LUC7L2: variants seen among roughly 807,000 people sequenced by gnomAD.
LUC7L2 encodes the protein LUC7 like 2, pre-mRNA splicing factor.
In LUC7L2, 25 loss-of-function variants were observed where a neutral mutation model predicts 52.8. That is an observed-to-expected ratio of 0.47 (90% CI 0.34 to 0.66). The LOEUF is 0.66. Among genes scored for constraint, LUC7L2 ranks in the 30% least tolerant of loss-of-function variants. LUC7L2 has a pLI of 0.01. For missense variants in LUC7L2, 328 were observed against 497.8 expected (o/e 0.66, Z 3.25); for synonymous variants, 144 against 160.9 (o/e 0.89, Z 0.80).
At chr7:139,383,723 C>CTT (rs149098259) in intron 2 of LUC7L2, among the ~76,000 whole-genome samples, 16,981 of 142,406 alleles carry the variant, frequency 0.12, 2,947 homozygotes, top group African/African-American at 0.39. Flanking sequence ...GCCTTGATGT[C>CTT]TTTTTTTTTT....
chr7:139,393,279 C>T (rs183029187), intron 2 of LUC7L2, among the ~76,000 whole-genome samples: 1 of 150,986 alleles, frequency 6.6e-6, no homozygotes, highest in Non-Finnish European at 1.5e-5. Context: ...AAAAATTAGC[C>T]GGGTATGGTG....
intron 2 of LUC7L2, among the ~76,000 whole-genome samples, chr7:139,378,875 G>A (rs917403788): frequency 2.0e-5 from 3 of 152,162 alleles, no homozygotes; most frequent in Non-Finnish European, 2.9e-5. Flanking sequence ...AATTCTGAAA[G>A]GTTCACAACT....
chr7:139,422,065 A>ATATC, intron 9 of LUC7L2, 98 bp from the exon 10 acceptor site: 2 of 1,466,568 alleles, frequency 1.4e-6, no homozygotes, highest in African/African-American at 1.4e-5. Flanking sequence ...ATTCGTCTAT[A>ATATC]TATCTTCAGC....
chr7:139,398,654 A>G lies in LUC7L2; in HGVS notation c.212A>G (p.Tyr71Cys). The G allele has an allele frequency of 6.2e-7, 1 of 1,612,718 alleles. No homozygotes were observed. The highest frequency in any genetic ancestry group is 8.5e-7 in the Non-Finnish European group (1 of 1,179,560). Residue 71 changes from tyrosine (Y) to cysteine (C), a missense_variant, in exon 3 of 10, where the codon TAT (tyrosine) becomes TGT (cysteine). By Grantham distance (194) the Tyr-to-Cys change is radical. Transcript: ENST00000354926. Reference sequence around the variant, plus strand: ...CATGACCTGGCTTTAAGAGCGGATTATGAAATTGCATCCAAAGAACAAGAT... The same window carrying G: ...CATGACCTGGCTTTAAGAGCGGATTGTGAAATTGCATCCAAAGAACAAGAT... ...KVHDLALRAD[Y>C]EIASKEQDFF...
intron 2 of LUC7L2, among the ~76,000 whole-genome samples, chr7:139,386,081 C>T (rs1431129256): frequency 1.3e-5 from 2 of 152,108 alleles, no homozygotes; most frequent in Non-Finnish European, 2.9e-5. Context: ...TGGCTCACTG[C>T]AGCCTCCACC....
intron 1 of LUC7L2, chr7:139,371,356 A>G (rs1800439728): frequency 1.3e-6 from 1 of 791,538 alleles, no homozygotes; most frequent in Middle Eastern, 2.3e-4. Flanking sequence ...TTTTGAAATT[A>G]CAATACTAAA....
rs1795956758 is a variant in LUC7L2 at position 139,422,769 on chromosome 7, G to GA, written c.*432dup. On this transcript the variant is annotated 3_prime_UTR_variant, in exon 10 of 10. Transcript: ENST00000354926. Reference sequence around the variant, plus strand: ...ATACCTACACTCTCCAATTGTAAGAGAAAGGGGGCAGGGAAGCAATATAGC... The same window carrying GA: ...ATACCTACACTCTCCAATTGTAAGAGAAAAGGGGGCAGGGAAGCAATATAGC... 5.0e-6 allele frequency: 2 copies of GA among 399,880 alleles called. No individual in the cohort carries two copies. Among genetic ancestry groups the GA allele is most frequent in the Admixed American group, 4.4e-5 (1 of 22,878 alleles). The allele number at this position is 399,880 out of a possible 1,614,324, so 24.8% of individuals were successfully genotyped here.
At chr7:139,386,404 A>ATTTT (rs4028268) in intron 2 of LUC7L2, among the ~76,000 whole-genome samples, 43,047 of 131,078 alleles carry the variant, frequency 0.33, 10,079 homozygotes, top group African/African-American at 0.68. Flanking sequence ...GTCACTGGAA[A>ATTTT]TTTTTTTTTT....
At chr7:139,351,162 A>G (rs1427101925) in intron 1 of LUC7L2, among the ~76,000 whole-genome samples, 1 of 152,152 alleles carries the variant, frequency 6.6e-6, no homozygotes. Context: ...ACTCCAGTTC[A>G]GGCTCCTCTG....
At chr7:139,361,897 T>C (rs1485273002) in intron 1 of LUC7L2, among the ~76,000 whole-genome samples, 1 of 152,226 alleles carries the variant, frequency 6.6e-6, no homozygotes, top group East Asian at 1.9e-4. Flanking sequence ...GATACCATTT[T>C]TGGGATCTTC....
intron 2 of LUC7L2, among the ~76,000 whole-genome samples, chr7:139,386,054 G>GT: frequency 6.6e-6 from 1 of 152,158 alleles, no homozygotes; most frequent in South Asian, 2.1e-4. Flanking sequence ...CCAGGCTGGA[G>GT]TGCAATGGCA....
chr7:139,398,766 T>G, intron 3 of LUC7L2, 69 bp downstream of exon 3: 2 of 1,438,674 alleles, frequency 1.4e-6, no homozygotes, highest in Middle Eastern at 2.3e-4. Context: ...TGGATTAAGA[T>G]CTCTTAATAG....
intron 8 of LUC7L2, among the ~76,000 whole-genome samples, chr7:139,415,810 C>G (rs886770949): frequency 2.0e-4 from 31 of 151,856 alleles, no homozygotes; most frequent in Non-Finnish European, 3.8e-4. Context: ...GCCAGAAATA[C>G]TCTTTTTAAG....
chr7:139,355,770 T>C (rs1799588063), upstream of LUC7L2, among the ~76,000 whole-genome samples: 2 of 152,136 alleles, frequency 1.3e-5, no homozygotes, highest in South Asian at 4.1e-4. Context: ...CTAATATGCA[T>C]GTATTTAAAT....
chr7:139,344,695 CTTTTTTTT>C (rs1026301999), intron 1 of LUC7L2, among the ~76,000 whole-genome samples: 1 of 116,362 alleles, frequency 8.6e-6, no homozygotes, highest in Non-Finnish European at 1.8e-5. Flanking sequence ...AATTTTCTTT[CTTTTTTTT>C]TTTTTTTTTT....
At chr7:139,412,234 A>G (rs1448442278) in intron 7 of LUC7L2, among the ~76,000 whole-genome samples, 2 of 151,822 alleles carry the variant, frequency 1.3e-5, no homozygotes, top group East Asian at 1.9e-4. Flanking sequence ...AAAAAAAACA[A>G]AAACAAAAAA....
Position 139,422,850 on chromosome 7 carries a change from C to T in LUC7L2, c.*510C>T, listed in dbSNP as rs892938327. On this transcript the variant is annotated 3_prime_UTR_variant, in exon 10 of 10. Coordinates refer to ENST00000354926, the MANE Select transcript of LUC7L2 (RefSeq NM_016019.5). ...ATTACTAGCTGATTACAGTTCAGAG[C>T]ATTGATCCTGGAATGTGTGCTGGAG... is the stretch of plus-strand genomic sequence containing the variant. 2.8e-5 allele frequency: 11 copies of T among 399,092 alleles called. No homozygotes were observed. Among genetic ancestry groups the T allele is most frequent in the African/African-American group, 2.1e-4 (10 of 48,740 alleles). The allele number at this position is 399,092 out of a possible 1,614,324, so 24.7% of individuals were successfully genotyped here. A position where few individuals can be genotyped will look rare whatever the true frequency, so the allele number is the denominator to read the frequency against.
intron 1 of LUC7L2, among the ~76,000 whole-genome samples, chr7:139,352,644 A>G (rs535741800): frequency 1.3e-5 from 2 of 152,336 alleles, no homozygotes; most frequent in Admixed American, 6.5e-5. Flanking sequence ...CAAACTTCAG[A>G]TATTAATACA....
In LUC7L2 at chr7:139,410,855, CCAGGTAATCTTTTTGCACCATAAAGA is replaced by C. The variant is rs1795330133; in HGVS notation, c.779+1205_779+1230del. Among the ~76,000 whole-genome samples, 7 of 152,206 alleles carry C rather than the reference CCAGGTAATCTTTTTGCACCATAAAGA, an allele frequency of 4.6e-5. No individual in the cohort carries two copies. The South Asian group carries it at 1.5e-3, about 32-fold the overall frequency. The stretch of plus-strand genomic sequence containing the variant: ...TTCGTTTGTGTCACATGGCTTATAA[CCAGGTAATCTTTTTGCACCATAAAGA>C]CAGTGAAACAAAACTACATGTCTAT... On this transcript the variant is annotated intron_variant, in intron 7 of 9. Transcript: ENST00000354926.
Sources: gnomAD v4.1 joint callset for allele counts (sites outside exome capture counted in the v4.1 genomes callset) on GRCh38, gnomAD v4.1.1 for gene constraint, MANE v1.5 for transcripts, NCBI Gene and HGNC (gene_info 2026-07-23, HGNC 2026-07-21) for gene names.